CNTNAP2: variants seen among roughly 807,000 people sequenced by gnomAD.
The protein encoded by CNTNAP2 is contactin associated protein 2, also known as contactin-associated protein-like 2.
In CNTNAP2, 98 loss-of-function variants were observed where a neutral mutation model predicts 155.2. That is an observed-to-expected ratio of 0.63 (90% confidence interval 0.54 to 0.75). CNTNAP2 has a LOEUF of 0.75. Among genes scored for constraint, CNTNAP2 ranks in the 30% least tolerant of loss-of-function variants. The pLI, the probability that CNTNAP2 is intolerant of heterozygous loss-of-function variation, is 0.00. For synonymous variants in CNTNAP2, 651 were observed against 631.2 expected (o/e 1.03, Z -0.47); for missense variants, 1,727 against 1,688.1 (o/e 1.02, Z -0.40).
intron 22 of CNTNAP2, among the ~76,000 whole-genome samples, chr7:148,406,436 T>C (rs1799706246): frequency 6.6e-6 from 1 of 152,118 alleles, no homozygotes; most frequent in South Asian, 2.1e-4. Context: ...AACTAATTAA[T>C]TCCTCATCAC....
intron 1 of CNTNAP2, among the ~76,000 whole-genome samples, chr7:146,545,353 T>A (rs1252331477): frequency 7.9e-5 from 12 of 151,854 alleles, no homozygotes; most frequent in Non-Finnish European, 1.5e-4. Context: ...GTTTATTTTT[T>A]AAAAATACTT....
At chr7:146,646,770 A>G (rs897292844) in intron 1 of CNTNAP2, among the ~76,000 whole-genome samples, 1 of 152,174 alleles carries the variant, frequency 6.6e-6, no homozygotes, top group Non-Finnish European at 1.5e-5. Flanking sequence ...TAACCTGTTC[A>G]TGATAATCAC....
At chr7:146,211,201 A>G (rs1373582783) in intron 1 of CNTNAP2, among the ~76,000 whole-genome samples, 1 of 152,204 alleles carries the variant, frequency 6.6e-6, no homozygotes, top group Non-Finnish European at 1.5e-5. Context: ...TTGCTTAAAG[A>G]TTAGGAAATC....
intron 1 of CNTNAP2, among the ~76,000 whole-genome samples, chr7:146,386,372 A>T (rs1215825891): frequency 6.6e-6 from 1 of 152,052 alleles, no homozygotes; most frequent in Non-Finnish European, 1.5e-5. Flanking sequence ...ATTATGTTTT[A>T]TGTTTTATTT....
At chr7:148,221,956 A>G (rs1232852352) in intron 19 of CNTNAP2, among the ~76,000 whole-genome samples, 1 of 152,232 alleles carries the variant, frequency 6.6e-6, no homozygotes, top group Non-Finnish European at 1.5e-5. Context: ...GAAAATTATT[A>G]TATTTGAATG....
rs1410224590 is a variant in CNTNAP2, at chr7:148,418,816, TC to T, written c.*3202del. 6.6e-6 allele frequency: 1 copy of T among 152,332 alleles called. No homozygotes were observed. Among genetic ancestry groups the T allele is most frequent in the East Asian group, 1.9e-4 (1 of 5,190 alleles). The allele number at this position is 152,332 out of a possible 1,614,324, so 9.4% of individuals were successfully genotyped here. ...TTTAGAGAGCCATTCCTAGAAAATG[TC>T]CTACTGCCCTGCATTTGACAAACAA... On this transcript the variant is annotated 3_prime_UTR_variant, in exon 24 of 24. Coordinates refer to ENST00000361727, the MANE Select transcript of CNTNAP2 (RefSeq NM_014141.6).
At chr7:146,723,116 C>G (rs1585059608) in intron 1 of CNTNAP2, among the ~76,000 whole-genome samples, 1 of 152,106 alleles carries the variant, frequency 6.6e-6, no homozygotes, top group African/African-American at 2.4e-5. Flanking sequence ...GTAATCAAGG[C>G]AAGATGGGTG....
chr7:148,003,666 C>T (rs1040141007), intron 15 of CNTNAP2, among the ~76,000 whole-genome samples: 6 of 152,078 alleles, frequency 3.9e-5, no homozygotes, highest in African/African-American at 1.4e-4. Context: ...ATGTAGAAAC[C>T]TGGTATAAAA....
chr7:146,574,579 T>C (rs1798494393), intron 1 of CNTNAP2, among the ~76,000 whole-genome samples: 1 of 152,116 alleles, frequency 6.6e-6, no homozygotes, highest in Non-Finnish European at 1.5e-5. Flanking sequence ...TGCGTGCCTG[T>C]AGTCCTAGCT....
At chr7:147,749,629 AT>A (rs201132293) in intron 13 of CNTNAP2, among the ~76,000 whole-genome samples, 1,667 of 152,312 alleles carry the variant, frequency 0.011, 93 homozygotes, top group Admixed American at 0.087. Flanking sequence ...TGAAGCAAGC[AT>A]TCTTGTTTCC....
chr7:147,714,420 A>T (rs1796450866), intron 13 of CNTNAP2, among the ~76,000 whole-genome samples: 1 of 122,584 alleles, frequency 8.2e-6, no homozygotes, highest in Non-Finnish European at 1.9e-5. Flanking sequence ...AGAGAGAAAG[A>T]GGTTCTTTGT....
intron 4 of CNTNAP2, among the ~76,000 whole-genome samples, chr7:147,074,957 G>A (rs1044784454): frequency 6.6e-6 from 1 of 151,930 alleles, no homozygotes; most frequent in African/African-American, 2.4e-5. Context: ...GCTCAGTGAG[G>A]GTCCAGATTG....
At chr7:146,743,882 G>A (rs931166391) in intron 1 of CNTNAP2, among the ~76,000 whole-genome samples, 1 of 151,852 alleles carries the variant, frequency 6.6e-6, no homozygotes, top group African/African-American at 2.4e-5. Context: ...AGAAAGTCCA[G>A]GAAAAAAATT....
chr7:146,587,689 T>C (rs1484651086), intron 1 of CNTNAP2, among the ~76,000 whole-genome samples: 1 of 152,106 alleles, frequency 6.6e-6, no homozygotes, highest in Non-Finnish European at 1.5e-5. Context: ...CATTTTTTTT[T>C]GAGACGGAAT....
chr7:147,896,714 T>A (rs914113457), intron 13 of CNTNAP2, among the ~76,000 whole-genome samples: 1 of 152,090 alleles, frequency 6.6e-6, no homozygotes, highest in Non-Finnish European at 1.5e-5. Flanking sequence ...TAGGAGAAGT[T>A]TAGGGAGGGT....
At chr7:146,580,726 T>C (rs1798598842) in intron 1 of CNTNAP2, among the ~76,000 whole-genome samples, 2 of 152,116 alleles carry the variant, frequency 1.3e-5, no homozygotes, top group South Asian at 2.1e-4. Flanking sequence ...AATGTTAGAA[T>C]TGCTGATTTG....
intron 3 of CNTNAP2, among the ~76,000 whole-genome samples, chr7:146,934,256 C>T (rs1157327547): frequency 1.3e-5 from 2 of 152,000 alleles, no homozygotes; most frequent in Non-Finnish European, 1.5e-5. Context: ...GAATACTATG[C>T]AGCCATAAGA....
chr7:146,572,538 T>G (rs940680042), intron 1 of CNTNAP2, among the ~76,000 whole-genome samples: 14 of 152,118 alleles, frequency 9.2e-5, no homozygotes, highest in African/African-American at 3.4e-4. Context: ...AACAGGAAAG[T>G]GCGCATATTT....
intron 12 of CNTNAP2, among the ~76,000 whole-genome samples, chr7:147,627,865 C>A (rs531894271): frequency 6.7e-6 from 1 of 149,648 alleles, no homozygotes; most frequent in East Asian, 2.0e-4. Context: ...TAGACTAGAA[C>A]AAGTAAAAGA....
Sources: gnomAD v4.1 joint callset for allele counts (sites outside exome capture counted in the v4.1 genomes callset) on GRCh38, gnomAD v4.1.1 for gene constraint, MANE v1.5 for transcripts, NCBI Gene and HGNC (gene_info 2026-07-23, HGNC 2026-07-21) for gene names.